ADAMTS9: variants seen among roughly 807,000 people sequenced by gnomAD.
The protein encoded by ADAMTS9 is ADAM metallopeptidase with thrombospondin type 1 motif 9, also known as A disintegrin and metalloproteinase with thrombospondin motifs 9.
Under a neutral mutation model 257.1 loss-of-function variants are expected in ADAMTS9, and 107 were observed. That is an observed-to-expected ratio of 0.42 (90% CI 0.36 to 0.49). The LOEUF (loss-of-function observed/expected upper bound fraction) is 0.49, where lower values mean the gene tolerates loss of function less well. Ranked by LOEUF, ADAMTS9 falls within the 20% of genes least tolerant of loss-of-function variation. The probability of loss-of-function intolerance (pLI) is 0.03; values close to 1 mark genes in which losing one functional copy is unlikely to be tolerated. For synonymous variants in ADAMTS9, 982 were observed against 880.9 expected (o/e 1.11, Z -2.03); for missense variants, 2,353 against 2,469.1 (o/e 0.95, Z 1.00).
intron 28 of ADAMTS9, among the ~76,000 whole-genome samples, chr3:64,579,462 G>A (rs1014474029): frequency 6.6e-6 from 1 of 151,704 alleles, no homozygotes; most frequent in Non-Finnish European, 1.5e-5. Flanking sequence ...TTTATCTATG[G>A]CAACTGCCGT....
At chr3:64,647,889 T>C (rs1437454646) in intron 11 of ADAMTS9, 51 bp downstream of exon 11, 1 of 1,537,772 alleles carries the variant, frequency 6.5e-7, no homozygotes, top group Non-Finnish European at 8.9e-7. Flanking sequence ...ACACCCAAAA[T>C]CTTGCACATT....
rs549081938 is a variant in ADAMTS9 at position 64,561,505 on chromosome 3, G to T, written c.4698+73C>A. 4 of 1,491,748 alleles carry T rather than the reference G, an allele frequency of 2.7e-6. No homozygotes were observed. In the African/African-American group the frequency reaches 4.2e-5, roughly 16 times the overall value. 92.4% of individuals were successfully genotyped at this position (1,491,748 alleles called of 1,614,324 possible). On this transcript the variant is annotated intron_variant, in intron 30 of 39. Transcript: ENST00000498707. ...CTCGGTGACTTCTCTGGCTTTATAG[G>T]GAACAGATGTGAGGATAGCAAGGGG... is the stretch of plus-strand genomic sequence containing the variant.
chr3:64,613,705 C>T (rs969653018), intron 21 of ADAMTS9, among the ~76,000 whole-genome samples, 196 bp from the exon 22 acceptor site: 2 of 152,104 alleles, frequency 1.3e-5, no homozygotes, highest in Non-Finnish European at 2.9e-5. Context: ...TATTTATAGT[C>T]TCTGGGCCAG....
intron 29 of ADAMTS9, among the ~76,000 whole-genome samples, chr3:64,567,202 A>G (rs2083566281): frequency 1.3e-5 from 2 of 152,120 alleles, no homozygotes; most frequent in Non-Finnish European, 2.9e-5. Flanking sequence ...AGGATTCTCG[A>G]ATCCTCCCCA....
At chr3:64,654,235 C>G (rs1047526859) in intron 8 of ADAMTS9, 118 bp downstream of exon 8, 43 of 1,036,564 alleles carry the variant, frequency 4.1e-5, no homozygotes, top group Non-Finnish European at 5.9e-5. Context: ...CCCTGCAACT[C>G]TACTATGACT....
chr3:64,686,728 A>T lies in ADAMTS9; in HGVS notation c.356T>A (p.Phe119Tyr). The change falls in exon 2 of 40, where the codon TTT becomes TAT. Residue 119 changes from phenylalanine (F) to tyrosine (Y), a missense_variant. By Grantham distance (22) the Phe-to-Tyr change is conservative. Transcript: ENST00000498707. The surrounding 1 kb of genome is among the most constrained non-coding windows in gnomAD (Gnocchi z 4.6). ...FLFNLTANAG[F>Y]IAPLFTVTLL... ...GGTGACAGTGAACAGTGGAGCGATA[A>T]ATCCGGCATTGGCGGTGAGATTAAA... The T allele has an allele frequency of 6.2e-7, 1 of 1,614,192 alleles. No homozygotes were observed. Among genetic ancestry groups the T allele is most frequent in the Non-Finnish European group, 8.5e-7 (1 of 1,180,038 alleles).
intron 36 of ADAMTS9, among the ~76,000 whole-genome samples, chr3:64,540,468 G>C (rs1483111227): frequency 6.6e-6 from 1 of 152,186 alleles, no homozygotes; most frequent in Admixed American, 6.5e-5. Flanking sequence ...GGCTAGTTTA[G>C]AAAAGGTAAT....
At chr3:64,644,298 C>T (rs1284269104) in intron 11 of ADAMTS9, among the ~76,000 whole-genome samples, 1 of 152,192 alleles carries the variant, frequency 6.6e-6, no homozygotes, top group Non-Finnish European at 1.5e-5. Flanking sequence ...TGATGCCAAA[C>T]ATCACAAAGA....
chr3:64,536,783 A>G (rs1013984124), intron 37 of ADAMTS9, among the ~76,000 whole-genome samples: 1 of 152,240 alleles, frequency 6.6e-6, no homozygotes, highest in Non-Finnish European at 1.5e-5. Flanking sequence ...CTAGCTATTA[A>G]TACCATCAAT....
At chr3:64,624,784 CAAATA>C (rs1332741111) in intron 16 of ADAMTS9, among the ~76,000 whole-genome samples, 2 of 152,118 alleles carry the variant, frequency 1.3e-5, no homozygotes, top group Non-Finnish European at 2.9e-5. Flanking sequence ...TGGTCAAATA[CAAATA>C]AATTTATTTT....
intron 12 of ADAMTS9, 42 bp from the exon 13 acceptor site, chr3:64,633,921 C>A: frequency 6.5e-7 from 1 of 1,531,260 alleles, no homozygotes; most frequent in South Asian, 1.2e-5. Flanking sequence ...ACTGTATTAT[C>A]ATGTATTCCT....
chr3:64,631,284 G>A (rs1700361830), intron 16 of ADAMTS9, among the ~76,000 whole-genome samples, 171 bp downstream of exon 16: 1 of 152,198 alleles, frequency 6.6e-6, no homozygotes, highest in South Asian at 2.1e-4. Flanking sequence ...AATACTCTGA[G>A]GGCGTATGTA....
At chr3:64,554,968 C>T (rs1486311020) in intron 30 of ADAMTS9, among the ~76,000 whole-genome samples, 1 of 152,202 alleles carries the variant, frequency 6.6e-6, no homozygotes, top group African/African-American at 2.4e-5. Context: ...AGTTGCTTTA[C>T]ACTTTCAAAT....
At chr3:64,544,083 A>G (rs2083164657) in intron 32 of ADAMTS9, among the ~76,000 whole-genome samples, 1 of 152,164 alleles carries the variant, frequency 6.6e-6, no homozygotes, top group Non-Finnish European at 1.5e-5. Context: ...CTTCAAGGAG[A>G]ACTACAAACC....
rs2082860026 is a variant in ADAMTS9, at chr3:64,522,116, G to GA, written c.*5+49dup. The GA allele has an allele frequency of 9.0e-6, 14 of 1,558,246 alleles. No homozygotes were observed. In the East Asian group the frequency reaches 2.0e-4, roughly 23 times the overall value. ...CCCACATTTGCTCATATAGGCTACA[G>GA]AAAAAAATAAAAGACAAATACACAG... On this transcript the variant is annotated intron_variant, in intron 39 of 39. Coordinates refer to ENST00000498707, the MANE Select transcript of ADAMTS9 (RefSeq NM_182920.2).
At chr3:64,642,706 C>G (rs1460109639) in intron 11 of ADAMTS9, among the ~76,000 whole-genome samples, 1 of 152,164 alleles carries the variant, frequency 6.6e-6, no homozygotes, top group African/African-American at 2.4e-5. Context: ...GGTGTGAAGC[C>G]CTGACACAAA....
chr3:64,673,175 T>C (rs570453244), intron 3 of ADAMTS9, among the ~76,000 whole-genome samples: 3 of 151,840 alleles, frequency 2.0e-5, no homozygotes, highest in African/African-American at 4.8e-5. Flanking sequence ...ACACACCCTA[T>C]GCATGACGGC....
At position 64,550,963 on chromosome 3, in the gene ADAMTS9, G is replaced by C. The variant is rs746159542; in HGVS notation, c.4798C>G (p.Arg1600Gly). ...CTACAGCTTTCACGGTCCACCGGCC[G>C]CTTGCTCACGTCACAGCGTGCCCCA... is the stretch of plus-strand genomic sequence containing the variant. ...VHGARCDVSK[R>G]PVDRESCSLQ... Residue 1600 changes from arginine (R) to glycine (G), a missense_variant, in exon 31 of 40, where the codon CGG (arginine) becomes GGG (glycine). Arg to Gly is a moderately radical substitution (Grantham distance 125). Transcript: ENST00000498707. The C allele has an allele frequency of 1.2e-6, 2 of 1,614,020 alleles. No homozygotes were observed. Among genetic ancestry groups the C allele is most frequent in the African/African-American group, 1.3e-5 (1 of 74,922 alleles).
At chr3:64,572,337 T>C (rs1001848188) in intron 28 of ADAMTS9, among the ~76,000 whole-genome samples, 4 of 152,152 alleles carry the variant, frequency 2.6e-5, no homozygotes, top group Non-Finnish European at 4.4e-5. Flanking sequence ...AATCCTTGCA[T>C]TTCAATTCAT....
Sources: gnomAD v4.1 joint callset for allele counts (sites outside exome capture counted in the v4.1 genomes callset) on GRCh38, gnomAD v4.1.1 for gene constraint, Gnocchi (gnomAD v3.1) non-coding constraint, MANE v1.5 for transcripts, NCBI Gene and HGNC (gene_info 2026-07-23, HGNC 2026-07-21) for gene names.